The following CYSLTR1 variants were observed in gnomAD, a reference collection of about 807,000 sequenced individuals.
The protein encoded by CYSLTR1 is cysteinyl leukotriene receptor 1, also known as G-protein coupled receptor HG55.
A neutral mutation model predicts 2.1 loss-of-function variants in CYSLTR1; 1 was observed. That is an observed-to-expected ratio of 0.48 (90% confidence interval 0.17 to 2.28). The LOEUF is 2.28. Among genes scored for constraint, CYSLTR1 ranks in the 30% most tolerant of loss-of-function variants. CYSLTR1 has a pLI of 0.26. For synonymous variants in CYSLTR1, 110 were observed against 89.6 expected, an observed-to-expected ratio of 1.23 and a Z score of -1.28; for missense variants, 299 against 250.1, an observed-to-expected ratio of 1.20 and a Z score of -1.32.
At chrX:78,310,992 C>T (rs1923200211) in intron 1 of CYSLTR1, among the ~76,000 whole-genome samples, 1 of 109,781 alleles carries the variant, frequency 9.1e-6, no homozygotes, top group East Asian at 2.8e-4. Flanking sequence ...GTGTTATATA[C>T]CATTCTAGAT....
intron 1 of CYSLTR1, among the ~76,000 whole-genome samples, chrX:78,311,713 A>G (rs1037014832): frequency 5.3e-5 from 6 of 112,205 alleles, no homozygotes. Flanking sequence ...GAACCAAATC[A>G]AGAACACAAT....
chrX:78,277,510 C>T (rs1921644175), intron 2 of CYSLTR1, among the ~76,000 whole-genome samples: 1 of 111,824 alleles, frequency 8.9e-6, no homozygotes, highest in Non-Finnish European at 1.9e-5. Context: ...CTTTTGCTGG[C>T]AGTCCCTATT....
intron 1 of CYSLTR1, among the ~76,000 whole-genome samples, chrX:78,288,219 GGT>G (rs1341355201): frequency 9.1e-6 from 1 of 109,622 alleles, no homozygotes; most frequent in Non-Finnish European, 1.9e-5. Flanking sequence ...AAAAAAATAA[GGT>G]GCCAACACAT....
intron 2 of CYSLTR1, among the ~76,000 whole-genome samples, chrX:78,281,466 T>A (rs1183602293): frequency 9.1e-6 from 1 of 110,200 alleles, no homozygotes; most frequent in Non-Finnish European, 1.9e-5. Context: ...AGAGACTGGG[T>A]TTCATCATGT....
chrX:78,293,986 C>A (rs754318327), intron 1 of CYSLTR1, among the ~76,000 whole-genome samples: 2 of 112,389 alleles, frequency 1.8e-5, no homozygotes, highest in East Asian at 5.6e-4. Context: ...CTTCTCTCAA[C>A]TTGTCAAAGT....
At position 78,273,719 on chromosome X, in the gene CYSLTR1, A is replaced by G. The variant is rs201177637; in HGVS notation, c.28T>C (p.Ser10Pro). ...ATAGTGTCATGGCATGTGGCAGAAG[A>G]TACTGTCAGATTTCCTGTTTCATCC... The part of the protein sequence containing the change: MDETGNLTV[S>P]SATCHDTIDD... The change falls in exon 3 of 3, where the codon TCT (serine) becomes CCT (proline). Residue 10 changes from serine to proline, a missense_variant. Ser to Pro is a moderately conservative substitution (Grantham distance 74). Transcript: ENST00000373304. 22 of 1,197,675 alleles carry G rather than the reference A, an allele frequency of 1.8e-5. No individual in the cohort carries two copies. Among genetic ancestry groups the G allele is most frequent in the East Asian group, 1.2e-4 (4 of 33,528 alleles).
intron 2 of CYSLTR1, 50 bp from the exon 3 acceptor site, chrX:78,273,823 G>A: frequency 9.8e-7 from 1 of 1,015,444 alleles, no homozygotes; most frequent in Non-Finnish European, 1.3e-6. Flanking sequence ...ATAAATTACA[G>A]GAAGTACTAA....
chrX:78,272,848 C>T lies in CYSLTR1; in HGVS notation c.899G>A (p.Gly300Asp), dbSNP rs1210116919. 1.7e-6 allele frequency: 2 copies of T among 1,210,841 alleles called. No homozygotes were observed. The highest frequency in any genetic ancestry group is 2.2e-6 in the Non-Finnish European group (2 of 895,142). Residue 300 changes from glycine to aspartate, a missense_variant, in exon 3 of 3, where the codon GGT (glycine) becomes GAT (aspartate). Coordinates refer to ENST00000373304, the MANE Select transcript of CYSLTR1 (RefSeq NM_006639.4). Reference sequence around the variant, plus strand: ...TGTAGACAGCCTTTTCCTAAAGTTACCCCCAGAAAAGAAATATAGGAGAGG... The same window carrying T: ...TGTAGACAGCCTTTTCCTAAAGTTATCCCCAGAAAAGAAATATAGGAGAGG... ...FDPLLYFFSG[G>D]NFRKRLSTFR...
chrX:78,308,593 C>G (rs1173784981), intron 1 of CYSLTR1, among the ~76,000 whole-genome samples: 1 of 111,833 alleles, frequency 8.9e-6, no homozygotes, highest in Non-Finnish European at 1.9e-5. Context: ...TTGTAAAGAG[C>G]CCACCAGCCT....
chrX:78,280,408 C>T (rs771649449), intron 2 of CYSLTR1, among the ~76,000 whole-genome samples: 60 of 109,742 alleles, frequency 5.5e-4, no homozygotes, highest in Non-Finnish European at 8.7e-4. Flanking sequence ...ATAGAAATTG[C>T]GTATTCTAAG....
chrX:78,308,622 T>G (rs1923113853), intron 1 of CYSLTR1, among the ~76,000 whole-genome samples: 1 of 112,234 alleles, frequency 8.9e-6, no homozygotes, highest in African/African-American at 3.2e-5. Flanking sequence ...ACTTTAAATT[T>G]TATAAAATAT....
intron 2 of CYSLTR1, among the ~76,000 whole-genome samples, chrX:78,279,793 C>T (rs1168791629): frequency 8.9e-6 from 1 of 112,006 alleles, no homozygotes; most frequent in African/African-American, 3.2e-5. Context: ...ACGTCCTTGG[C>T]TGCAACATGT....
At chrX:78,320,772 C>T (rs1020250578) in intron 1 of CYSLTR1, 6 of 111,313 alleles carry the variant, frequency 5.4e-5, no homozygotes, top group Non-Finnish European at 3.8e-5. Flanking sequence ...TTGTTTGTAT[C>T]CTCTTTTATT....
At chrX:78,284,777 A>G (rs1390717689) in intron 1 of CYSLTR1, among the ~76,000 whole-genome samples, 1 of 106,748 alleles carries the variant, frequency 9.4e-6, no homozygotes, top group Non-Finnish European at 2.0e-5. Context: ...AAAAAAAAAG[A>G]AAAAAGGAAA....
At position 78,271,882 on chromosome X, in the gene CYSLTR1, G is replaced by C. The variant is rs958888049; in HGVS notation, c.*851C>G. The C allele has an allele frequency of 8.9e-6, 1 of 112,149 alleles. No homozygotes were observed. Among genetic ancestry groups the C allele is most frequent in the Admixed American group, 9.6e-5 (1 of 10,466 alleles). 9.2% of individuals were successfully genotyped at this position (112,149 alleles called of 1,213,427 possible). A position where few individuals can be genotyped will look rare whatever the true frequency, so the allele number is the denominator to read the frequency against. On this transcript the variant is annotated 3_prime_UTR_variant, in exon 3 of 3. Coordinates refer to ENST00000373304, the MANE Select transcript of CYSLTR1 (RefSeq NM_006639.4). Reference sequence around the variant, plus strand: ...CCAGCAATTGGCATATAGAAAAGTAGATTCCTTTTCCTTTTCTCTTCTTCA... The same window carrying C: ...CCAGCAATTGGCATATAGAAAAGTACATTCCTTTTCCTTTTCTCTTCTTCA...
chrX:78,289,794 A>G (rs1485429168), intron 1 of CYSLTR1, among the ~76,000 whole-genome samples: 2 of 111,795 alleles, frequency 1.8e-5, no homozygotes, highest in African/African-American at 6.5e-5. Context: ...TCCTTTGCCC[A>G]CTTTTTGATG....
intron 1 of CYSLTR1, among the ~76,000 whole-genome samples, chrX:78,290,410 T>C (rs1368189554): frequency 1.8e-5 from 2 of 111,964 alleles, no homozygotes; most frequent in Admixed American, 9.5e-5. Flanking sequence ...CCTCCAGCTT[T>C]GTTCTTTTGG....
At chrX:78,326,248 TAA>T (rs768043526) in intron 1 of CYSLTR1, among the ~76,000 whole-genome samples, 2 of 112,467 alleles carry the variant, frequency 1.8e-5, no homozygotes, top group African/African-American at 6.4e-5. Context: ...TCTGAATGAT[TAA>T]GACTTCTGTA....
chrX:78,283,271 T>C (rs1412413909), intron 2 of CYSLTR1, among the ~76,000 whole-genome samples, 183 bp downstream of exon 2: 2 of 111,871 alleles, frequency 1.8e-5, no homozygotes, highest in East Asian at 5.6e-4. Context: ...AGCCTAGAAG[T>C]GTGAAGAGGT....
Sources: allele counts gnomAD v4.1 joint callset (sites outside exome capture counted in the v4.1 genomes callset), GRCh38; gene constraint gnomAD v4.1.1; transcripts MANE v1.5; gene names NCBI Gene and HGNC (gene_info 2026-07-23, HGNC 2026-07-21).